SGIP1: variants seen among roughly 807,000 people sequenced by gnomAD.
The protein encoded by SGIP1 is SH3-containing GRB2-like protein 3-interacting protein 1.
SGIP1 carries 38 observed loss-of-function variants against 107.5 expected under a neutral mutation model. That is an observed-to-expected ratio of 0.35 (90% CI 0.27 to 0.46). The LOEUF (loss-of-function observed/expected upper bound fraction) is 0.46, where lower values mean the gene tolerates loss of function less well. SGIP1 is among the 20% of genes least tolerant of loss of function. The pLI, the probability that SGIP1 is intolerant of heterozygous loss-of-function variation, is 1.00. For missense variants in SGIP1, 929 were observed against 1,019.5 expected (o/e 0.91, Z 1.21); for synonymous variants, 365 against 366.1 (o/e 1.00, Z 0.03).
At chr1:66,539,744 C>T (rs1232879161) in intron 1 of SGIP1, among the ~76,000 whole-genome samples, 1 of 152,148 alleles carries the variant, frequency 6.6e-6, no homozygotes, top group Non-Finnish European at 1.5e-5. Flanking sequence ...ATGGAGTTAC[C>T]AATTCTCTTG....
At chr1:66,534,769 T>C (rs2053186147) in intron 1 of SGIP1, among the ~76,000 whole-genome samples, 1 of 152,150 alleles carries the variant, frequency 6.6e-6, no homozygotes, top group South Asian at 2.1e-4. Flanking sequence ...ACAGGAGAGG[T>C]CATTAACAGA....
intron 2 of SGIP1, among the ~76,000 whole-genome samples, chr1:66,631,043 G>GAAA (rs1558136234): frequency 4.7e-4 from 54 of 114,452 alleles, no homozygotes; most frequent in African/African-American, 1.8e-3. Context: ...AAGGAAGAAA[G>GAAA]GAAGAAAGAA....
intron 1 of SGIP1, among the ~76,000 whole-genome samples, chr1:66,545,252 A>G (rs2056105538): frequency 6.6e-6 from 1 of 152,198 alleles, no homozygotes; most frequent in Non-Finnish European, 1.5e-5. Context: ...CTTCAGCCTC[A>G]TCTCTCACTG....
chr1:66,701,026 C>T (rs1311733639), intron 18 of SGIP1, among the ~76,000 whole-genome samples: 1 of 152,090 alleles, frequency 6.6e-6, no homozygotes, highest in Non-Finnish European at 1.5e-5. Context: ...AACGCTTGGG[C>T]ATTTTAAATG....
chr1:66,689,312 T>C (rs768996150), intron 16 of SGIP1, 37 bp downstream of exon 16: 1 of 1,596,058 alleles, frequency 6.3e-7, no homozygotes, highest in South Asian at 1.1e-5. Context: ...TCAGAAACAG[T>C]GAGAATGACA....
In SGIP1 at chr1:66,636,997, G is replaced by A. The variant is rs926136555; in HGVS notation, c.171+982G>A. ...ATCTTTAAATAATAATCATATTCAAGTTATAGAAGTTACTTATGTTAAGGT... is the reference window on the plus strand; with the variant it reads ...ATCTTTAAATAATAATCATATTCAAATTATAGAAGTTACTTATGTTAAGGT... On this transcript the variant is annotated intron_variant, in intron 4 of 24. Coordinates refer to ENST00000371037, the MANE Select transcript of SGIP1 (RefSeq NM_032291.4). Among the ~76,000 whole-genome samples the A allele has an allele frequency of 7.2e-5, 11 of 151,942 alleles. No individual in the cohort carries two copies. In the South Asian group the frequency reaches 8.3e-4, roughly 11 times the overall value.
Position 66,670,791 on chromosome 1 carries a change from C to T in SGIP1, c.484-204C>T, listed in dbSNP as rs186695146. On this transcript the variant is annotated intron_variant, in intron 9 of 24. Transcript: ENST00000371037. ...GAAGACTTACGATTTACCCTTTCTT[C>T]CTCTCTATAATCTTTGAGTGAAATA... Among the ~76,000 whole-genome samples the T allele has an allele frequency of 9.9e-5, 15 of 152,230 alleles. No individual in the cohort carries two copies. In the East Asian group the frequency reaches 2.9e-3, roughly 29 times the overall value.
intron 1 of SGIP1, among the ~76,000 whole-genome samples, chr1:66,571,619 T>A (rs1181779930): frequency 1.3e-5 from 2 of 151,934 alleles, no homozygotes; most frequent in Admixed American, 1.3e-4. Context: ...AAGAGTAAAA[T>A]TTTTAAAATT....
chr1:66,569,297 C>A (rs1220597585), intron 1 of SGIP1, among the ~76,000 whole-genome samples: 3 of 151,886 alleles, frequency 2.0e-5, no homozygotes, highest in Admixed American at 6.6e-5. Context: ...TCCTTGCTTT[C>A]TTTCTGATCC....
chr1:66,568,507 C>A (rs1344183804), intron 1 of SGIP1, among the ~76,000 whole-genome samples: 2 of 151,954 alleles, frequency 1.3e-5, no homozygotes, highest in African/African-American at 4.8e-5. Flanking sequence ...GCCTGATTGC[C>A]CTGGCTTGAA....
intron 1 of SGIP1, among the ~76,000 whole-genome samples, chr1:66,614,494 T>C (rs1015020276): frequency 6.6e-6 from 1 of 152,220 alleles, no homozygotes; most frequent in Non-Finnish European, 1.5e-5. Flanking sequence ...CTTTAAGGCC[T>C]CTCCAAAGAA....
intron 1 of SGIP1, among the ~76,000 whole-genome samples, chr1:66,592,638 T>C (rs1055713750): frequency 6.6e-6 from 1 of 152,194 alleles, no homozygotes; most frequent in Non-Finnish European, 1.5e-5. Context: ...GGATTGACTC[T>C]TAGTGGTGTA....
chr1:66,672,667 C>T (rs1368161926), intron 11 of SGIP1, among the ~76,000 whole-genome samples: 1 of 152,128 alleles, frequency 6.6e-6, no homozygotes, highest in Non-Finnish European at 1.5e-5. Context: ...TCTTAATAAT[C>T]AGTCTGGAGT....
At chr1:66,540,667 A>C (rs963429495) in intron 1 of SGIP1, among the ~76,000 whole-genome samples, 32 of 152,228 alleles carry the variant, frequency 2.1e-4, no homozygotes, top group African/African-American at 7.2e-4. Flanking sequence ...TTTCAGATGC[A>C]AATTACTCCT....
intron 1 of SGIP1, among the ~76,000 whole-genome samples, chr1:66,573,418 AAAG>A (rs2060645269): frequency 6.6e-6 from 1 of 152,186 alleles, no homozygotes; most frequent in Non-Finnish European, 1.5e-5. Context: ...GTATATACCC[AAAG>A]GAATATAAAT....
At chr1:66,571,450 G>T (rs1050507957) in intron 1 of SGIP1, among the ~76,000 whole-genome samples, 2 of 152,004 alleles carry the variant, frequency 1.3e-5, no homozygotes, top group Admixed American at 1.3e-4. Context: ...AATTTAGTTA[G>T]CTTAGAAAAC....
rs948185579 is a variant in SGIP1 at position 66,743,412 on chromosome 1, A to T, written c.*317A>T. On this transcript the variant is annotated 3_prime_UTR_variant, in exon 25 of 25. Transcript: ENST00000371037. ...ACCATTCCTGAAATGGATGTAATTT[A>T]AACTGTGGTATGTAAATTTAATAGT... The T allele has an allele frequency of 4.5e-6, 1 of 223,602 alleles. No homozygotes were observed. The highest frequency in any genetic ancestry group is 9.0e-6 in the Non-Finnish European group (1 of 111,296). The allele number at this position is 223,602 out of a possible 1,614,324, so 13.9% of individuals were successfully genotyped here.
chr1:66,660,140 G>GAAAGAAAGA (rs745962699), intron 7 of SGIP1: 1 of 60,526 alleles, frequency 1.7e-5, no homozygotes, highest in Non-Finnish European at 2.7e-5. Context: ...AAGAAAGAAA[G>GAAAGAAAGA]AAGAGAGAAA....
intron 1 of SGIP1, among the ~76,000 whole-genome samples, chr1:66,604,242 G>A (rs542972544): frequency 5.9e-5 from 9 of 152,204 alleles, no homozygotes; most frequent in African/African-American, 2.2e-4. Context: ...CATCCCTTGG[G>A]TTTATTACCA....
Sources: gnomAD v4.1 joint callset for allele counts (sites outside exome capture counted in the v4.1 genomes callset) on GRCh38, gnomAD v4.1.1 for gene constraint, MANE v1.5 for transcripts, NCBI Gene and HGNC (gene_info 2026-07-23, HGNC 2026-07-21) for gene names.